Variants in CA13 observed in about 807,000 individuals in gnomAD.
The protein encoded by CA13 is CA-XIII.
In CA13, 21 loss-of-function variants were observed where a neutral mutation model predicts 31.5. The observed-to-expected ratio is 0.67, with a 90% CI of 0.47 to 0.96. The LOEUF (loss-of-function observed/expected upper bound fraction) is 0.96. Among genes scored for constraint, CA13 ranks in the 40% least tolerant of loss-of-function variants. The pLI is 0.00. For synonymous variants in CA13, 117 were observed against 111.4 expected, an observed-to-expected ratio of 1.05 and a Z score of -0.32; for missense variants, 315 against 318.9, an observed-to-expected ratio of 0.99 and a Z score of 0.09.
chr8:85,269,122 G>T (rs1177333408), intron 6 of CA13, among the ~76,000 whole-genome samples: 1 of 152,202 alleles, frequency 6.6e-6, no homozygotes, highest in Non-Finnish European at 1.5e-5. Flanking sequence ...TGCCTGCTAA[G>T]TGTAAGAAGT....
intron 5 of CA13, among the ~76,000 whole-genome samples, 157 bp from the exon 6 acceptor site, chr8:85,268,315 T>G (rs1807482716): frequency 6.6e-6 from 1 of 152,216 alleles, no homozygotes; most frequent in Non-Finnish European, 1.5e-5. Flanking sequence ...ATGTAGATGC[T>G]TTTTTAAAGA....
At chr8:85,263,626 C>T (rs1369962113) in intron 3 of CA13, among the ~76,000 whole-genome samples, 1 of 152,036 alleles carries the variant, frequency 6.6e-6, no homozygotes, top group Non-Finnish European at 1.5e-5. Flanking sequence ...CTTAAGGTTT[C>T]GATGTAAGCA....
intron 1 of CA13, among the ~76,000 whole-genome samples, chr8:85,249,010 T>G (rs986322560): frequency 6.6e-6 from 1 of 152,234 alleles, no homozygotes; most frequent in Non-Finnish European, 1.5e-5. Flanking sequence ...AAAAGGCTTT[T>G]TCTGTAATAC....
intron 6 of CA13, among the ~76,000 whole-genome samples, chr8:85,275,060 G>A (rs1273994288): frequency 6.6e-6 from 1 of 152,206 alleles, no homozygotes; most frequent in Non-Finnish European, 1.5e-5. Flanking sequence ...TCCATTGGAG[G>A]CTGGTGTTCA....
chr8:85,271,248 A>T (rs1451520495), intron 6 of CA13, among the ~76,000 whole-genome samples: 26 of 152,210 alleles, frequency 1.7e-4, no homozygotes, highest in Admixed American at 1.6e-3. Flanking sequence ...TGCCAAGTTC[A>T]TCAAAAACAA....
At chr8:85,275,634 C>T (rs1426918428) in intron 6 of CA13, among the ~76,000 whole-genome samples, 1 of 152,164 alleles carries the variant, frequency 6.6e-6, no homozygotes, top group Non-Finnish European at 1.5e-5. Flanking sequence ...TCTGTTCTCT[C>T]TTTGTATCCT....
At chr8:85,277,286 A>G (rs1456236212) in intron 6 of CA13, among the ~76,000 whole-genome samples, 1 of 152,034 alleles carries the variant, frequency 6.6e-6, no homozygotes, top group East Asian at 1.9e-4. Flanking sequence ...TCACTCCTGA[A>G]GCCAGCGAGA....
rs776666466 is a variant in CA13, at chr8:85,259,494, C to T, written c.309C>T (p.Asp103=). 1 of 1,613,948 alleles carries T rather than the reference C, an allele frequency of 6.2e-7. No homozygotes were observed. Among genetic ancestry groups the T allele is most frequent in the South Asian group, 1.1e-5 (1 of 91,074 alleles). ...QVHLHWGSAD[D]HGSEHIVDGV... is the part of the protein sequence containing the mutation. The stretch of plus-strand genomic sequence containing the variant: ...ACCTTCACTGGGGGTCCGCTGATGA[C>T]CACGGCTCCGAGCACATAGTAGATG... The change falls in exon 3 of 7, where the codon GAC becomes GAT. Residue 103 remains aspartate (D), a synonymous_variant. Coordinates refer to ENST00000321764, the MANE Select transcript of CA13 (RefSeq NM_198584.3).
intron 2 of CA13, among the ~76,000 whole-genome samples, chr8:85,255,297 CTG>C (rs1195289341): frequency 2.0e-5 from 3 of 150,654 alleles, no homozygotes; most frequent in Admixed American, 2.0e-4. Flanking sequence ...AGATCTCACT[CTG>C]TCACCCAGGC....
intron 4 of CA13, chr8:85,267,408 A>G (rs1031093851): frequency 7.5e-6 from 4 of 533,786 alleles, no homozygotes; most frequent in African/African-American, 2.1e-5. Context: ...TTATGTATCT[A>G]TAATTTATGA....
intron 2 of CA13, 64 bp downstream of exon 2, chr8:85,251,001 CT>C (rs34303043): frequency 0.14 from 104,622 of 760,394 alleles, 1,043 homozygotes; most frequent in African/African-American, 0.24. Flanking sequence ...AGACTATACT[CT>C]TTTTTTTTTT....
chr8:85,248,689 T>C (rs1813773730), intron 1 of CA13, among the ~76,000 whole-genome samples: 1 of 152,154 alleles, frequency 6.6e-6, no homozygotes, highest in African/African-American at 2.4e-5. Flanking sequence ...TAGTAGATAA[T>C]ATTGGGAATG....
chr8:85,267,992 C>CAT, intron 5 of CA13, 28 bp downstream of exon 5: 1 of 1,367,832 alleles, frequency 7.3e-7, no homozygotes, highest in Non-Finnish European at 1.0e-6. Flanking sequence ...TAATAATTAA[C>CAT]ATATTTCTTG....
intron 2 of CA13, among the ~76,000 whole-genome samples, chr8:85,256,367 A>G (rs943609917): frequency 2.6e-5 from 4 of 152,244 alleles, no homozygotes; most frequent in African/African-American, 9.6e-5. Context: ...TTTTAAAAAG[A>G]TATCAAAAAG....
intron 6 of CA13, 128 bp from the exon 7 acceptor site, chr8:85,281,102 A>G (rs2130022333): frequency 1.7e-6 from 2 of 1,147,012 alleles, no homozygotes; most frequent in Non-Finnish European, 2.5e-6. Context: ...TATATATGAC[A>G]TGTAACAGAA....
rs1302933900 is a variant in CA13, at chr8:85,281,227, C to T, written c.670-3C>T. ...TGAAGCTAACTCTTTTCTTCTTCTA[C>T]AGCTGGCCAAATTTCGCAGTCTCCT... On this transcript the variant is annotated splice_polypyrimidine_tract_variant and splice_region_variant and intron_variant, in intron 6 of 6. Transcript: ENST00000321764. 4 of 1,612,536 alleles carry T rather than the reference C, an allele frequency of 2.5e-6. No individual in the cohort carries two copies. The highest frequency in any genetic ancestry group is 3.4e-6 in the Non-Finnish European group (4 of 1,178,908).
At chr8:85,254,563 A>G (rs1348873233) in intron 2 of CA13, among the ~76,000 whole-genome samples, 1 of 152,106 alleles carries the variant, frequency 6.6e-6, no homozygotes, top group Non-Finnish European at 1.5e-5. Flanking sequence ...TTTTAAATGA[A>G]GATCCTTTTC....
At chr8:85,251,697 A>T (rs1813832806) in intron 2 of CA13, among the ~76,000 whole-genome samples, 1 of 152,216 alleles carries the variant, frequency 6.6e-6, no homozygotes, top group Non-Finnish European at 1.5e-5. Flanking sequence ...TGCCAAAGTA[A>T]TATCCACTCA....
intron 6 of CA13, among the ~76,000 whole-genome samples, chr8:85,274,662 T>C (rs1201264547): frequency 6.6e-6 from 1 of 152,228 alleles, no homozygotes; most frequent in Non-Finnish European, 1.5e-5. Flanking sequence ...CATTTGGTTT[T>C]GTTGCGAGAG....
Sources: allele counts gnomAD v4.1 joint callset (sites outside exome capture counted in the v4.1 genomes callset), GRCh38; gene constraint gnomAD v4.1.1; transcripts MANE v1.5; gene names NCBI Gene and HGNC (gene_info 2026-07-23, HGNC 2026-07-21).